Variants in TM4SF18 observed in about 807,000 individuals in gnomAD.
The protein encoded by TM4SF18 is transmembrane 4 L6 family member 18.
Under a neutral mutation model 23.8 loss-of-function variants are expected in TM4SF18, and 22 were observed. That is an observed-to-expected ratio of 0.92 (90% CI 0.66 to 1.32). TM4SF18 has a LOEUF of 1.32. TM4SF18 is among the 40% of genes most tolerant of loss of function. The pLI, the probability that TM4SF18 is intolerant of heterozygous loss-of-function variation, is 0.00. For synonymous variants in TM4SF18, 87 were observed against 87.9 expected (o/e 0.99, Z 0.06); for missense variants, 255 against 240.3 (o/e 1.06, Z -0.41).
At chr3:149,330,452 G>T in intron 2 of TM4SF18, 33 bp from the exon 3 acceptor site, 1 of 1,393,514 alleles carries the variant, frequency 7.2e-7, no homozygotes. Context: ...TGTTAGCAAT[G>T]AAATGCTAGT....
In TM4SF18 at chr3:149,322,267, C is replaced by G; in HGVS notation, c.580G>C (p.Val194Leu). Reference sequence around the variant, plus strand: ...TGAGAATCTGTTACCTGGAAGATCACTGAATAGCTTCCACACAGTATCTTG... The same window carrying G: ...TGAGAATCTGTTACCTGGAAGATCAGTGAATAGCTTCCACACAGTATCTTG... Reference protein sequence around the residue: ...LSKILCGSYSVIFQPGII With the variant: ...LSKILCGSYSLIFQPGII Residue 194 changes from valine to leucine, a missense_variant, in exon 5 of 6, where the codon GTG becomes CTG. Transcript: ENST00000296059. The G allele has an allele frequency of 6.2e-7, 1 of 1,611,606 alleles. No individual in the cohort carries two copies. Among genetic ancestry groups the G allele is most frequent in the Non-Finnish European group, 8.5e-7 (1 of 1,178,910 alleles).
At position 149,319,864 on chromosome 3, in the gene TM4SF18, G is replaced by A. The variant is rs1730766097; in HGVS notation, c.*1614C>T. The A allele has an allele frequency of 6.6e-6, 1 of 152,174 alleles. No homozygotes were observed. Among genetic ancestry groups the A allele is most frequent in the Non-Finnish European group, 1.5e-5 (1 of 68,036 alleles). The allele number at this position is 152,174 out of a possible 1,614,324, so 9.4% of individuals were successfully genotyped here. A position where few individuals can be genotyped will look rare whatever the true frequency, so the allele number is the denominator to read the frequency against. On this transcript the variant is annotated 3_prime_UTR_variant, in exon 6 of 6. Coordinates refer to ENST00000296059, the MANE Select transcript of TM4SF18 (RefSeq NM_138786.4). ...TTATGCTTGAATAACCACCAGTCTT[G>A]TTTGGACAGTGTTTTACTCCAGGCT...
intron 3 of TM4SF18, among the ~76,000 whole-genome samples, chr3:149,328,545 A>G (rs889718975): frequency 2.6e-5 from 4 of 152,230 alleles, no homozygotes; most frequent in Non-Finnish European, 4.4e-5. Flanking sequence ...TTTTTCCCAC[A>G]ATATGTACTT....
intron 2 of TM4SF18, among the ~76,000 whole-genome samples, chr3:149,332,062 G>A (rs1731097591): frequency 1.3e-5 from 2 of 152,144 alleles, no homozygotes; most frequent in Admixed American, 6.5e-5. Context: ...GGATTACTGA[G>A]TCAAACGACA....
intron 3 of TM4SF18, 65 bp from the exon 4 acceptor site, chr3:149,325,087 T>C: frequency 6.6e-7 from 1 of 1,524,808 alleles, no homozygotes; most frequent in East Asian, 2.4e-5. Context: ...GTGGATAAAT[T>C]ATCAGATAGC....
At position 149,321,057 on chromosome 3, in the gene TM4SF18, T is replaced by A. The variant is rs1394789249; in HGVS notation, c.*421A>T. ...TAGTACTCTTTATTTTTTATTTAATTTTTTTTTTAATATCAGAAAACATTT... is the reference window on the plus strand; with the variant it reads ...TAGTACTCTTTATTTTTTATTTAATATTTTTTTTAATATCAGAAAACATTT... On this transcript the variant is annotated 3_prime_UTR_variant, in exon 6 of 6. Coordinates refer to ENST00000296059, the MANE Select transcript of TM4SF18 (RefSeq NM_138786.4). The A allele has an allele frequency of 1.6e-5, 2 of 124,386 alleles. No individual in the cohort carries two copies. The highest frequency in any genetic ancestry group is 8.1e-5 in the Admixed American group (1 of 12,318). 7.7% of individuals were successfully genotyped at this position (124,386 alleles called of 1,614,324 possible). A position where few individuals can be genotyped will look rare whatever the true frequency, so the allele number is the denominator to read the frequency against.
intron 3 of TM4SF18, 67 bp from the exon 4 acceptor site, chr3:149,325,089 T>G (rs906084273): frequency 2.6e-6 from 4 of 1,516,606 alleles, no homozygotes; most frequent in Non-Finnish European, 2.7e-6. Context: ...GGATAAATTA[T>G]CAGATAGCTA....
chr3:149,328,734 T>C (rs535594424), intron 3 of TM4SF18, among the ~76,000 whole-genome samples: 1 of 152,338 alleles, frequency 6.6e-6, no homozygotes, highest in South Asian at 2.1e-4. Flanking sequence ...TGTGCTCTGA[T>C]GCCTACCAGG....
In TM4SF18 at chr3:149,327,594, C is replaced by A. The variant is rs140187979; in HGVS notation, c.268-2572G>T. On this transcript the variant is annotated intron_variant, in intron 3 of 5. Coordinates refer to ENST00000296059, the MANE Select transcript of TM4SF18 (RefSeq NM_138786.4). Reference sequence around the variant, plus strand: ...ATGTTGATTGCAGGGTGAGAGTAGGCAGCAGAATAGTAACATGCAGTAACC... The same window carrying A: ...ATGTTGATTGCAGGGTGAGAGTAGGAAGCAGAATAGTAACATGCAGTAACC... 2.0e-5 allele frequency among the ~76,000 whole-genome samples: 3 copies of A among 152,172 alleles called. No individual in the cohort carries two copies. The South Asian group carries it at 6.2e-4, about 32-fold the overall frequency.
intron 2 of TM4SF18, among the ~76,000 whole-genome samples, chr3:149,332,107 A>G (rs574373569): frequency 2.0e-5 from 3 of 152,282 alleles, no homozygotes; most frequent in South Asian, 4.1e-4. Flanking sequence ...TATTATACCA[A>G]ACTCTTCCCG....
At position 149,321,287 on chromosome 3, in the gene TM4SF18, A is replaced by G. The variant is rs1287881630; in HGVS notation, c.*191T>C. On this transcript the variant is annotated 3_prime_UTR_variant, in exon 6 of 6. Coordinates refer to ENST00000296059, the MANE Select transcript of TM4SF18 (RefSeq NM_138786.4). ...GAAGTATTTCTGAAGTTTCTGATGC[A>G]TATTACTTAAAAAACATACTAAATG... 3 of 423,704 alleles carry G rather than the reference A, an allele frequency of 7.1e-6. No individual in the cohort carries two copies. The highest frequency in any genetic ancestry group is 1.3e-5 in the Non-Finnish European group (3 of 230,674). 26.2% of individuals were successfully genotyped at this position (423,704 alleles called of 1,614,324 possible). A position where few individuals can be genotyped will look rare whatever the true frequency, so the allele number is the denominator to read the frequency against.
At chr3:149,325,550 A>G (rs1352422464) in intron 3 of TM4SF18, among the ~76,000 whole-genome samples, 1 of 152,120 alleles carries the variant, frequency 6.6e-6, no homozygotes, top group African/African-American at 2.4e-5. Context: ...TTGAGTAGAG[A>G]GAATGGGTGT....
At chr3:149,323,944 G>T (rs1345925500) in intron 4 of TM4SF18, among the ~76,000 whole-genome samples, 2 of 152,294 alleles carry the variant, frequency 1.3e-5, no homozygotes, top group Non-Finnish European at 2.9e-5. Context: ...AAAATCTTCA[G>T]AATGAAGGCA....
rs1730776935 is a variant in TM4SF18 at position 149,320,318 on chromosome 3, T to C, written c.*1160A>G. On this transcript the variant is annotated 3_prime_UTR_variant, in exon 6 of 6. Coordinates refer to ENST00000296059, the MANE Select transcript of TM4SF18 (RefSeq NM_138786.4). Reference sequence around the variant, plus strand: ...TTCACTGTGTGCTGGGTCCTATGCATGGTGGGAAATATATAAGATGTGGCT... The same window carrying C: ...TTCACTGTGTGCTGGGTCCTATGCACGGTGGGAAATATATAAGATGTGGCT... The C allele has an allele frequency of 1.3e-5, 2 of 152,330 alleles. No individual in the cohort carries two copies. Among genetic ancestry groups the C allele is most frequent in the African/African-American group, 4.8e-5 (2 of 41,570 alleles). 9.4% of individuals were successfully genotyped at this position (152,330 alleles called of 1,614,324 possible).
Position 149,318,612 on chromosome 3 carries a change from A to C in TM4SF18, c.*2866T>G, listed in dbSNP as rs1026522586. 9 of 152,238 alleles carry C rather than the reference A, an allele frequency of 5.9e-5. No individual in the cohort carries two copies. Among genetic ancestry groups the C allele is most frequent in the Non-Finnish European group, 2.9e-5 (2 of 68,042 alleles). 9.4% of individuals were successfully genotyped at this position (152,238 alleles called of 1,614,324 possible). A position where few individuals can be genotyped will look rare whatever the true frequency, so the allele number is the denominator to read the frequency against. On this transcript the variant is annotated 3_prime_UTR_variant, in exon 6 of 6. Transcript: ENST00000296059. The stretch of plus-strand genomic sequence containing the variant: ...GAAAAGAGATAGAACTTATAGTCCT[A>C]TCATTAGGAGATAATTATTAAGTAT...
chr3:149,320,355 G>A lies in TM4SF18; in HGVS notation c.*1123C>T. 1 of 152,170 alleles carries A rather than the reference G, an allele frequency of 6.6e-6. No homozygotes were observed. The highest frequency in any genetic ancestry group is 3.2e-3 in the Middle Eastern group (1 of 316). 9.4% of individuals were successfully genotyped at this position (152,170 alleles called of 1,614,324 possible). A position where few individuals can be genotyped will look rare whatever the true frequency, so the allele number is the denominator to read the frequency against. On this transcript the variant is annotated 3_prime_UTR_variant, in exon 6 of 6. Coordinates refer to ENST00000296059, the MANE Select transcript of TM4SF18 (RefSeq NM_138786.4). ...TATAAGATGTGGCTACTGTCCCCGA[G>A]GAAGACATGGCATGTATAGGTGGAA...
chr3:149,326,272 G>T (rs115613430), intron 3 of TM4SF18, among the ~76,000 whole-genome samples: 1 of 152,096 alleles, frequency 6.6e-6, no homozygotes, highest in Admixed American at 6.5e-5. Flanking sequence ...CCTGACAGTT[G>T]TCTTGTAGAT....
rs1730727955 is a variant in TM4SF18, at chr3:149,318,690, C to T, written c.*2788G>A. On this transcript the variant is annotated 3_prime_UTR_variant, in exon 6 of 6. Transcript: ENST00000296059. Reference sequence around the variant, plus strand: ...TTTCAGCCTATAGCATCTGGTCTCCCATCCAAGTAATAACCTGGATCAATC... The same window carrying T: ...TTTCAGCCTATAGCATCTGGTCTCCTATCCAAGTAATAACCTGGATCAATC... The T allele has an allele frequency of 6.6e-6, 1 of 152,156 alleles. No homozygotes were observed. Among genetic ancestry groups the T allele is most frequent in the African/African-American group, 2.4e-5 (1 of 41,436 alleles). The allele number at this position is 152,156 out of a possible 1,614,324, so 9.4% of individuals were successfully genotyped here.
rs1730765005 is a variant in TM4SF18, at chr3:149,319,844, C to G, written c.*1634G>C. ...TGGCTTCCTAGTTCAAATTCTTATG[C>G]TTGAATAACCACCAGTCTTGTTTGG... On this transcript the variant is annotated 3_prime_UTR_variant, in exon 6 of 6. Coordinates refer to ENST00000296059, the MANE Select transcript of TM4SF18 (RefSeq NM_138786.4). The G allele has an allele frequency of 6.6e-6, 1 of 152,186 alleles. No homozygotes were observed. Among genetic ancestry groups the G allele is most frequent in the Non-Finnish European group, 1.5e-5 (1 of 68,034 alleles). The allele number at this position is 152,186 out of a possible 1,614,324, so 9.4% of individuals were successfully genotyped here.
Sources: gnomAD v4.1 joint callset for allele counts (sites outside exome capture counted in the v4.1 genomes callset) on GRCh38, gnomAD v4.1.1 for gene constraint, MANE v1.5 for transcripts, NCBI Gene and HGNC (gene_info 2026-07-23, HGNC 2026-07-21) for gene names.